Variants in NFKBID observed in about 807,000 individuals in gnomAD.
NFKBID encodes NF-kappa-B inhibitor delta.
A neutral mutation model predicts 53.4 loss-of-function variants in NFKBID; 26 were observed. The observed-to-expected ratio is 0.49, with a 90% CI of 0.36 to 0.68. The LOEUF is 0.68. Ranked by LOEUF, NFKBID falls within the 30% of genes least tolerant of loss-of-function variation. The pLI is 0.00. For synonymous variants in NFKBID, 262 were observed against 259.8 expected (o/e 1.01, Z -0.08); for missense variants, 493 against 614.1 (o/e 0.80, Z 2.08).
chr19:35,897,428 T>TACC, intron 4 of NFKBID: 1 of 583,972 alleles, frequency 1.7e-6, no homozygotes, highest in Non-Finnish European at 3.1e-6. Context: ...CTAATTTTTT[T>TACC]ATTTTTGGTT....
rs1222526987 is a variant in NFKBID, at chr19:35,889,766, G to T, written c.1314+124C>A. 5.9e-6 allele frequency: 6 copies of T among 1,016,022 alleles called. No individual in the cohort carries two copies. The African/African-American group carries it at 6.4e-5, about 11-fold the overall frequency. 62.9% of individuals were successfully genotyped at this position (1,016,022 alleles called of 1,614,324 possible). On this transcript the variant is annotated intron_variant, in intron 11 of 11. Transcript: ENST00000641389. ...CATTATAGAGTCAGGGTTGCCTGAG[G>T]GCTGAAGTCACCTTCCGAGATTAGA...
chr19:35,889,743 T>G, intron 11 of NFKBID, 147 bp downstream of exon 11: 10 of 780,414 alleles, frequency 1.3e-5, no homozygotes, highest in Non-Finnish European at 2.1e-5. Flanking sequence ...AGAGGTCACA[T>G]TATAGAGTCA....
chr19:35,893,697 A>AT (rs575466318), intron 9 of NFKBID, among the ~76,000 whole-genome samples: 1 of 151,682 alleles, frequency 6.6e-6, no homozygotes, highest in Non-Finnish European at 1.5e-5. Context: ...GCGGGTGCCT[A>AT]TAGTCCCAGC....
At chr19:35,890,325 C>T (rs1974669814) in intron 10 of NFKBID, 49 bp downstream of exon 10, 1 of 1,306,650 alleles carries the variant, frequency 7.7e-7, no homozygotes, top group African/African-American at 1.5e-5. Context: ...TCCCACTGCC[C>T]CCCCTACCGT....
In NFKBID at chr19:35,895,441, T is replaced by C. The variant is rs1189426142; in HGVS notation, c.1032+539A>G. Among the ~76,000 whole-genome samples, 7 of 149,998 alleles carry C rather than the reference T, an allele frequency of 4.7e-5. No homozygotes were observed. In the South Asian group the frequency reaches 8.4e-4, roughly 18 times the overall value. ...AGGCAGAGTTTGCCATGAGATGAGA[T>C]TGCACCACTGCACTCTAGCCTGGGC... On this transcript the variant is annotated intron_variant, in intron 9 of 11. Transcript: ENST00000641389.
intron 1 of NFKBID, among the ~76,000 whole-genome samples, chr19:35,899,245 G>A (rs538644899): frequency 6.6e-6 from 1 of 152,064 alleles, no homozygotes; most frequent in Non-Finnish European, 1.5e-5. Flanking sequence ...AACCTGACCC[G>A]GAAATCAGGA....
chr19:35,893,939 T>C (rs1974958085), intron 9 of NFKBID, among the ~76,000 whole-genome samples: 1 of 151,980 alleles, frequency 6.6e-6, no homozygotes, highest in Non-Finnish European at 1.5e-5. Context: ...ATTTTATTGG[T>C]GTTCAACATT....
chr19:35,890,855 C>CTCTA, intron 9 of NFKBID, among the ~76,000 whole-genome samples: 1 of 149,060 alleles, frequency 6.7e-6, no homozygotes, highest in East Asian at 1.9e-4. Flanking sequence ...CAGAGTGACA[C>CTCTA]TCTATCTCAA....
chr19:35,898,447 G>C (rs1259664150), intron 3 of NFKBID, 25 bp downstream of exon 3: 9 of 1,496,626 alleles, frequency 6.0e-6, no homozygotes, highest in Non-Finnish European at 7.2e-6. Context: ...GGGGGATGGG[G>C]AGGCCGGGAG....
In NFKBID at chr19:35,896,461, A is replaced by G. The variant is rs2146959181; in HGVS notation, c.762T>C (p.Asn254=). 6.2e-7 allele frequency: 1 copy of G among 1,614,152 alleles called. No individual in the cohort carries two copies. Among genetic ancestry groups the G allele is most frequent in the Non-Finnish European group, 8.5e-7 (1 of 1,180,010 alleles). The change falls in exon 7 of 12, where the codon AAT becomes AAC. Residue 254 remains asparagine, a synonymous_variant. Transcript: ENST00000641389. This position sits in a 1 kb window ranked among gnomAD's most constrained non-coding sequence, Gnocchi z 5.7. ...CCGAACGTCCCTGATGGTCAGCGGC[A>G]TTGGGCTCTGCTCCCAGGTTCAACA...
Position 35,889,347 on chromosome 19 carries a change from C to T in NFKBID, c.1314+543G>A, listed in dbSNP as rs769872519. 7.2e-5 allele frequency among the ~76,000 whole-genome samples: 11 copies of T among 152,004 alleles called. No homozygotes were observed. In the East Asian group the frequency reaches 7.7e-4, roughly 11 times the overall value. On this transcript the variant is annotated intron_variant, in intron 11 of 11. Transcript: ENST00000641389. The stretch of plus-strand genomic sequence containing the variant: ...CTCCAGCCTAGGCAACAGAGCAAGA[C>T]GCTGCCTCAAAATAAATAAATAAAC...
rs114765714 is a variant in NFKBID at position 35,897,535 on chromosome 19, C to T, written c.432+116G>A. 2,407 of 710,872 alleles carry T rather than the reference C, an allele frequency of 3.4e-3. 28 individuals carry two copies. In the African/African-American group the frequency reaches 0.034, roughly 10 times the overall value. 44.0% of individuals were successfully genotyped at this position (710,872 alleles called of 1,614,324 possible). A position where few individuals can be genotyped will look rare whatever the true frequency, so the allele number is the denominator to read the frequency against. Reference sequence around the variant, plus strand: ...CTGGGATTACAGGTGTGAGCCACCACGCCCGGCCTGGAAAAGGGAATCGTA... The same window carrying T: ...CTGGGATTACAGGTGTGAGCCACCATGCCCGGCCTGGAAAAGGGAATCGTA... On this transcript the variant is annotated intron_variant, in intron 4 of 11. Transcript: ENST00000641389.
At chr19:35,891,235 G>A (rs2146938600) in intron 9 of NFKBID, among the ~76,000 whole-genome samples, 1 of 152,262 alleles carries the variant, frequency 6.6e-6, no homozygotes, top group East Asian at 1.9e-4. Context: ...CATATTTGGG[G>A]GAAAATAAAA....
intron 9 of NFKBID, among the ~76,000 whole-genome samples, chr19:35,891,413 G>A (rs548507587): frequency 4.6e-5 from 7 of 151,842 alleles, no homozygotes; most frequent in Non-Finnish European, 7.4e-5. Flanking sequence ...TTGAAAAGAC[G>A]TAACATCATA....
chr19:35,892,271 C>T (rs1253359504), intron 9 of NFKBID, among the ~76,000 whole-genome samples: 4 of 152,010 alleles, frequency 2.6e-5, no homozygotes, highest in East Asian at 1.9e-4. Context: ...AGGTTGGTCT[C>T]GAATTCCTGA....
chr19:35,890,538 T>G, intron 9 of NFKBID, 48 bp from the exon 10 acceptor site: 1 of 1,277,830 alleles, frequency 7.8e-7, no homozygotes, highest in Non-Finnish European at 1.1e-6. Flanking sequence ...CACACCTAGG[T>G]GCCCTCCCAC....
Position 35,896,656 on chromosome 19 carries a change from G to A in NFKBID, c.684+70C>T. The A allele has an allele frequency of 6.6e-7, 1 of 1,516,022 alleles. No individual in the cohort carries two copies. The highest frequency in any genetic ancestry group is 9.1e-7 in the Non-Finnish European group (1 of 1,103,580). 93.9% of individuals were successfully genotyped at this position (1,516,022 alleles called of 1,614,324 possible). ...TCACCCCCCATTCCCCTCTTCTCTA[G>A]GATCCAGGGGTCCAGGCCCCAGGCT... On this transcript the variant is annotated intron_variant, in intron 6 of 11. Coordinates refer to ENST00000641389, the Ensembl canonical transcript of NFKBID. This position sits in a 1 kb window ranked among gnomAD's most constrained non-coding sequence, Gnocchi z 5.7.
chr19:35,890,735 G>A lies in NFKBID; in HGVS notation c.1033-245C>T, dbSNP rs139857358. On this transcript the variant is annotated intron_variant, in intron 9 of 11. Transcript: ENST00000641389. ...AAAAATTAGCCAGGCGTGGTGGTGCGCACCTGTAGTCCCAGCTGCTTGGGA... is the reference window on the plus strand; with the variant it reads ...AAAAATTAGCCAGGCGTGGTGGTGCACACCTGTAGTCCCAGCTGCTTGGGA... 4.5e-4 allele frequency: 221 copies of A among 496,266 alleles called. 3 individuals carry two copies. The East Asian group carries it at 7.8e-3, about 17-fold the overall frequency. 30.7% of individuals were successfully genotyped at this position (496,266 alleles called of 1,614,324 possible). A position where few individuals can be genotyped will look rare whatever the true frequency, so the allele number is the denominator to read the frequency against.
At chr19:35,892,543 C>CAAAAAA (rs112001334) in intron 9 of NFKBID, among the ~76,000 whole-genome samples, 1 of 112,268 alleles carries the variant, frequency 8.9e-6, no homozygotes, top group African/African-American at 3.4e-5. Flanking sequence ...GACTCCATCT[C>CAAAAAA]AAAAAAAAAA....
Sources: gnomAD v4.1 joint callset for allele counts (sites outside exome capture counted in the v4.1 genomes callset) on GRCh38, gnomAD v4.1.1 for gene constraint, Gnocchi (gnomAD v3.1) non-coding constraint, MANE v1.5 for transcripts, NCBI Gene and HGNC (gene_info 2026-07-23, HGNC 2026-07-21) for gene names.